The following DOCK8 variants were observed in gnomAD, a reference collection of about 807,000 sequenced individuals.
DOCK8 encodes dedicator of cytokinesis 8.
Under a neutral mutation model 245.6 loss-of-function variants are expected in DOCK8, and 141 were observed. The observed-to-expected ratio is 0.57, with a 90% CI of 0.50 to 0.66. The LOEUF is 0.66. Among genes scored for constraint, DOCK8 ranks in the 30% least tolerant of loss-of-function variants. The probability of loss-of-function intolerance (pLI) is 0.00; values close to 1 mark genes in which losing one functional copy is unlikely to be tolerated. For missense variants in DOCK8, 2,965 were observed against 2,603.4 expected (o/e 1.14, Z -3.02); for synonymous variants, 1,168 against 970.2 (o/e 1.20, Z -3.79).
rs145382748 is a variant in DOCK8, at chr9:418,084, A to T, written c.3717A>T (p.Arg1239Ser). Reference sequence around the variant, plus strand: ...TCATTGCAGTTGCAGATACTCGCAGATACCGCACCAGTGGCTCGGATGAAG... The same window carrying T: ...TCATTGCAGTTGCAGATACTCGCAGTTACCGCACCAGTGGCTCGGATGAAG... The part of the protein sequence containing the change: ...LCDFTVADTR[R>S]YRTSGSDEEQ... The change falls in exon 30 of 48, where the codon AGA becomes AGT. Residue 1239 changes from arginine (R) to serine (S), a missense_variant. By Grantham distance (110) the Arg-to-Ser change is moderately radical. Around this residue, in one of 3 missense-constraint regions of DOCK8, gnomAD observed 2,825 missense variants for 2,453.5 expected, o/e 1.15. Transcript: ENST00000432829. The T allele has an allele frequency of 6.2e-6, 10 of 1,614,246 alleles. No individual in the cohort carries two copies. In the African/African-American group the frequency reaches 1.1e-4, roughly 17 times the overall value.
chr9:306,616 CA>C (rs2049842171), intron 5 of DOCK8, among the ~76,000 whole-genome samples: 1 of 152,184 alleles, frequency 6.6e-6, no homozygotes, highest in African/African-American at 2.4e-5. Flanking sequence ...GGGTATACGG[CA>C]GTGGTTCTCC....
intron 25 of DOCK8, among the ~76,000 whole-genome samples, chr9:397,936 G>C (rs2054540808): frequency 6.6e-6 from 1 of 152,086 alleles, no homozygotes; most frequent in African/African-American, 2.4e-5. Flanking sequence ...AATTGTTTCA[G>C]AATAAAAGCT....
At position 347,373 on chromosome 9, in the gene DOCK8, G is replaced by T. The variant is rs548241754; in HGVS notation, c.1679+7052G>T. Among the ~76,000 whole-genome samples, 5 of 152,218 alleles carry T rather than the reference G, an allele frequency of 3.3e-5. No individual in the cohort carries two copies. The South Asian group carries it at 1.0e-3, about 32-fold the overall frequency. On this transcript the variant is annotated intron_variant, in intron 14 of 47. Coordinates refer to ENST00000432829, the MANE Select transcript of DOCK8 (RefSeq NM_203447.4). ...ACAAAAAAATTAGCCAGGGGTGGGG[G>T]TCCACACCTGCAGTCCCAGTTACTT...
At chr9:365,191 C>G (rs1050103034) in intron 14 of DOCK8, among the ~76,000 whole-genome samples, 2 of 152,102 alleles carry the variant, frequency 1.3e-5, no homozygotes, top group African/African-American at 4.8e-5. Flanking sequence ...ATCCTTCTGA[C>G]CAATATATGA....
intron 40 of DOCK8, among the ~76,000 whole-genome samples, chr9:440,694 C>T (rs1335774366): frequency 1.3e-5 from 2 of 152,164 alleles, no homozygotes; most frequent in Middle Eastern, 3.4e-3. Flanking sequence ...GCTGTTAGTC[C>T]CTGCTACCAA....
Position 215,086 on chromosome 9 carries a change from A to C in DOCK8, c.53+57A>C, listed in dbSNP as rs147359731. On this transcript the variant is annotated intron_variant, in intron 1 of 47. Transcript: ENST00000432829. ...GCCGGACAGCCCAGCGCTGGTGTGA[A>C]GCGGAGCTTCGCTGCAGGGGCCGAG... The C allele has an allele frequency of 0.034, 51,147 of 1,526,102 alleles. 1,338 individuals carry two copies. The highest frequency in any genetic ancestry group is 0.14 in the Admixed American group (6,897 of 49,956). The allele number at this position is 1,526,102 out of a possible 1,614,324, so 94.5% of individuals were successfully genotyped here.
At chr9:341,789 C>T (rs915782737) in intron 14 of DOCK8, among the ~76,000 whole-genome samples, 8 of 152,204 alleles carry the variant, frequency 5.3e-5, no homozygotes, top group Admixed American at 3.9e-4. Context: ...AGGTGAGCAT[C>T]GGGTGAGTGA....
At chr9:228,473 C>G (rs1008958703) in intron 1 of DOCK8, among the ~76,000 whole-genome samples, 1 of 151,972 alleles carries the variant, frequency 6.6e-6, no homozygotes, top group Admixed American at 6.6e-5. Context: ...TTATATTTAT[C>G]TTCATATGTT....
At chr9:335,930 A>G (rs2051286785) in intron 11 of DOCK8, among the ~76,000 whole-genome samples, 1 of 152,198 alleles carries the variant, frequency 6.6e-6, no homozygotes, top group Non-Finnish European at 1.5e-5. Flanking sequence ...AAGAGAACCC[A>G]TGAGTTTTTG....
Position 277,207 on chromosome 9 carries a change from C to T in DOCK8, c.156+5478C>T, listed in dbSNP as rs1003653990. 3 of 154,752 alleles carry T rather than the reference C, an allele frequency of 1.9e-5. No homozygotes were observed. The East Asian group carries it at 5.7e-4, about 30-fold the overall frequency. The allele number at this position is 154,752 out of a possible 1,614,324, so 9.6% of individuals were successfully genotyped here. ...GCAGAGGCAGGAGGATAGCTTGAAG[C>T]CAAGAGTTCGAGGCCAGCCTAGGCA... On this transcript the variant is annotated intron_variant, in intron 2 of 47. Transcript: ENST00000432829.
rs746729373 is a variant in DOCK8 at position 464,697 on chromosome 9, A to C, written c.*478A>C. Reference sequence around the variant, plus strand: ...GTAGGAGTACGAAACATTTTCAATAAATCTACAAAGGGAAGCCTTACTACA... The same window carrying C: ...GTAGGAGTACGAAACATTTTCAATACATCTACAAAGGGAAGCCTTACTACA... On this transcript the variant is annotated 3_prime_UTR_variant, in exon 48 of 48. Transcript: ENST00000432829. 1 of 183,292 alleles carries C rather than the reference A, an allele frequency of 5.5e-6. No homozygotes were observed. Among genetic ancestry groups the C allele is most frequent in the African/African-American group, 2.4e-5 (1 of 42,200 alleles). The allele number at this position is 183,292 out of a possible 1,614,324, so 11.4% of individuals were successfully genotyped here.
chr9:302,890 G>A (rs1418176268), intron 4 of DOCK8, among the ~76,000 whole-genome samples: 1 of 152,060 alleles, frequency 6.6e-6, no homozygotes, highest in Non-Finnish European at 1.5e-5. Context: ...CATTTTGGGA[G>A]GCTGAGGCAG....
rs548951677 is a variant in DOCK8, at chr9:395,102, G to A, written c.2971-1683G>A. Among the ~76,000 whole-genome samples the A allele has an allele frequency of 1.3e-4, 19 of 151,938 alleles. No individual in the cohort carries two copies. In the East Asian group the frequency reaches 2.1e-3, roughly 17 times the overall value. On this transcript the variant is annotated intron_variant, in intron 24 of 47. Transcript: ENST00000432829. ...GCATAGTGAGAGAGAGGCTTTTTTC[G>A]GACAAAAATGGGTCCAGTTCCCACC...
intron 18 of DOCK8, among the ~76,000 whole-genome samples, chr9:373,049 C>A (rs2053368556): frequency 6.6e-6 from 1 of 152,134 alleles, no homozygotes; most frequent in Non-Finnish European, 1.5e-5. Context: ...TGCCTGTAAT[C>A]CCAGCTACTC....
At chr9:215,109 G>A (rs2046713175) in intron 1 of DOCK8, 80 bp downstream of exon 1, 1 of 1,503,176 alleles carries the variant, frequency 6.7e-7, no homozygotes, top group Non-Finnish European at 8.8e-7. Flanking sequence ...TGCAGGGGCC[G>A]AGGCCGGACG....
intron 43 of DOCK8, among the ~76,000 whole-genome samples, chr9:445,416 T>C (rs958048775): frequency 1.2e-4 from 18 of 152,230 alleles, no homozygotes; most frequent in Non-Finnish European, 2.4e-4. Context: ...GGTCACTTTT[T>C]TTCCTAAGAG....
intron 5 of DOCK8, among the ~76,000 whole-genome samples, chr9:310,645 G>C (rs971321567): frequency 2.0e-5 from 3 of 152,076 alleles, no homozygotes; most frequent in African/African-American, 7.2e-5. Flanking sequence ...ATTTTTAGTA[G>C]CGATGGGGTT....
At chr9:399,345 C>G in intron 26 of DOCK8, 86 bp downstream of exon 26, 2 of 967,576 alleles carry the variant, frequency 2.1e-6, no homozygotes, top group Non-Finnish European at 3.2e-6. Flanking sequence ...GGCACGCTGT[C>G]TTCTTCATTA....
intron 38 of DOCK8, among the ~76,000 whole-genome samples, 164 bp from the exon 39 acceptor site, chr9:434,619 A>G (rs1170480052): frequency 6.6e-6 from 1 of 152,224 alleles, no homozygotes; most frequent in Non-Finnish European, 1.5e-5. Context: ...TTGGACTAAT[A>G]AATGTTTTCT....
Sources: gnomAD v4.1 joint callset for allele counts (sites outside exome capture counted in the v4.1 genomes callset) on GRCh38, gnomAD v4.1.1 for gene constraint, gnomAD v4.1.1 regional missense constraint, MANE v1.5 for transcripts, NCBI Gene and HGNC (gene_info 2026-07-23, HGNC 2026-07-21) for gene names.